Variants in CEP63 observed in about 807,000 individuals in gnomAD.
CEP63 encodes centrosomal protein 63.
A neutral mutation model predicts 89.1 loss-of-function variants in CEP63; 84 were observed. That is an observed-to-expected ratio of 0.94 (90% confidence interval 0.79 to 1.13). The LOEUF is 1.13. CEP63 is among the 50% of genes most tolerant of loss of function. The pLI is 0.00. For missense variants in CEP63, 838 were observed against 813.3 expected (o/e 1.03, Z -0.37); for synonymous variants, 267 against 272.5 (o/e 0.98, Z 0.20).
chr3:134,516,873 CTCTT>C (rs1946366492), intron 3 of CEP63, among the ~76,000 whole-genome samples: 1 of 152,218 alleles, frequency 6.6e-6, no homozygotes, highest in African/African-American at 2.4e-5. Flanking sequence ...AATCTGATCT[CTCTT>C]TCCTTTCCCC....
the CEP63 span, among the ~76,000 whole-genome samples, chr3:134,736,531 C>A: frequency 6.6e-6 from 1 of 151,910 alleles, no homozygotes; most frequent in Non-Finnish European, 1.5e-5. Flanking sequence ...TCAGAAAATG[C>A]AATTTAAAAA....
At chr3:134,711,114 T>C in the CEP63 span, among the ~76,000 whole-genome samples, 1 of 152,204 alleles carries the variant, frequency 6.6e-6, no homozygotes, top group Non-Finnish European at 1.5e-5. Flanking sequence ...TCTTTTTATT[T>C]CACCAAATTT....
At chr3:134,496,435 G>C (rs1046183032) in intron 2 of CEP63, among the ~76,000 whole-genome samples, 3 of 149,228 alleles carry the variant, frequency 2.0e-5, no homozygotes, top group East Asian at 4.0e-4. Context: ...AAAAAAAGGG[G>C]GGGGGGGCTA....
At chr3:134,504,113 C>CTTT (rs74269454) in intron 2 of CEP63, among the ~76,000 whole-genome samples, 135 of 143,936 alleles carry the variant, frequency 9.4e-4, no homozygotes, top group Middle Eastern at 3.6e-3. Context: ...GTCTCTCTCT[C>CTTT]TTTTTTTTTT....
chr3:134,551,597 G>A (rs1425343266), intron 11 of CEP63, among the ~76,000 whole-genome samples: 1 of 151,852 alleles, frequency 6.6e-6, no homozygotes, highest in Non-Finnish European at 1.5e-5. Context: ...AATGGGTAGG[G>A]ATTTAAGGGG....
chr3:134,718,395 A>T, the CEP63 span, among the ~76,000 whole-genome samples: 3 of 152,356 alleles, frequency 2.0e-5, no homozygotes. Flanking sequence ...ATGTTAAGTG[A>T]GCAAATAAAC....
At chr3:134,645,101 A>G in the CEP63 span, among the ~76,000 whole-genome samples, 2 of 152,212 alleles carry the variant, frequency 1.3e-5, no homozygotes, top group African/African-American at 4.8e-5. Flanking sequence ...AGGCTGCACA[A>G]TTGGTTTCCC....
At chr3:134,495,531 T>G (rs1054288055) in intron 2 of CEP63, among the ~76,000 whole-genome samples, 167 bp downstream of exon 2, 2 of 152,218 alleles carry the variant, frequency 1.3e-5, no homozygotes, top group Admixed American at 6.5e-5. Flanking sequence ...TGGGAACATT[T>G]CAATTCTTCT....
chr3:134,672,132 A>G, the CEP63 span, among the ~76,000 whole-genome samples: 1 of 152,210 alleles, frequency 6.6e-6, no homozygotes, highest in Non-Finnish European at 1.5e-5. Context: ...CACTGATTAT[A>G]TCATTGGCCA....
the CEP63 span, among the ~76,000 whole-genome samples, chr3:134,637,892 A>G: frequency 1.3e-5 from 2 of 152,342 alleles, no homozygotes. Flanking sequence ...AGGTGGGCTC[A>G]TGTTCGGAGC....
At chr3:134,629,582 C>G in the CEP63 span, 1 of 1,516,058 alleles carries the variant, frequency 6.6e-7, no homozygotes, top group Non-Finnish European at 9.0e-7. Flanking sequence ...TCAATCCTCT[C>G]TGCCAGCCCT....
chr3:134,620,844 C>A, the CEP63 span: 1 of 1,611,412 alleles, frequency 6.2e-7, no homozygotes, highest in Non-Finnish European at 8.5e-7. Context: ...GTCTAGGCCA[C>A]TCTTGGCTGT....
the CEP63 span, among the ~76,000 whole-genome samples, chr3:134,685,579 G>A: frequency 1.4e-5 from 2 of 137,990 alleles, no homozygotes; most frequent in African/African-American, 5.4e-5. Flanking sequence ...GAATGTCCTG[G>A]TTTGGGGACA....
At chr3:134,720,974 C>G in the CEP63 span, among the ~76,000 whole-genome samples, 2 of 152,004 alleles carry the variant, frequency 1.3e-5, no homozygotes, top group Non-Finnish European at 2.9e-5. Flanking sequence ...CTAAAATTTC[C>G]ACATGAATTT....
At chr3:134,566,747 C>T (rs1264214720), downstream of CEP63, among the ~76,000 whole-genome samples, 1 of 151,886 alleles carries the variant, frequency 6.6e-6, no homozygotes, top group African/African-American at 2.4e-5. Flanking sequence ...CATTACACAT[C>T]CACTATAATA....
the CEP63 span, among the ~76,000 whole-genome samples, chr3:134,776,579 A>G: frequency 6.6e-6 from 1 of 152,220 alleles, no homozygotes; most frequent in Non-Finnish European, 1.5e-5. Flanking sequence ...CTTTGTTGAC[A>G]TGGCCTACCC....
the CEP63 span, among the ~76,000 whole-genome samples, chr3:134,719,463 T>C: frequency 0.072 from 11,008 of 152,240 alleles, 725 homozygotes; most frequent in African/African-American, 0.18. Context: ...TTTTAAAGAG[T>C]TTTATTGAGG....
At chr3:134,641,746 C>G in the CEP63 span, among the ~76,000 whole-genome samples, 1 of 152,128 alleles carries the variant, frequency 6.6e-6, no homozygotes, top group East Asian at 1.9e-4. Context: ...CGCACACACC[C>G]CTTATCATCC....
At position 134,564,317 on chromosome 3, in the gene CEP63, T is replaced by G. The variant is rs1439833962; in HGVS notation, c.*2782T>G. On this transcript the variant is annotated 3_prime_UTR_variant, in exon 15 of 15. Transcript: ENST00000675561. ...TGTGCATGCTGTCCTTCAGTTTGTC[T>G]CCTCTTCCCACACCCTGTCATGTGC... 1 of 985,282 alleles carries G rather than the reference T, an allele frequency of 1.0e-6. No individual in the cohort carries two copies. Among genetic ancestry groups the G allele is most frequent in the African/African-American group, 1.7e-5 (1 of 57,216 alleles). The allele number at this position is 985,282 out of a possible 1,614,324, so 61.0% of individuals were successfully genotyped here. A position where few individuals can be genotyped will look rare whatever the true frequency, so the allele number is the denominator to read the frequency against.
Sources: allele counts gnomAD v4.1 joint callset (sites outside exome capture counted in the v4.1 genomes callset), GRCh38; gene constraint gnomAD v4.1.1; transcripts MANE v1.5; gene names NCBI Gene and HGNC (gene_info 2026-07-23, HGNC 2026-07-21).